The following VCL variants were observed in gnomAD, a reference collection of about 807,000 sequenced individuals.
VCL encodes vinculin.
A neutral mutation model predicts 125.7 loss-of-function variants in VCL; 47 were observed. The observed-to-expected ratio is 0.37, with a 90% CI of 0.30 to 0.48. VCL has a LOEUF of 0.48. VCL is among the 20% of genes least tolerant of loss of function. The pLI is 0.99. For missense variants in VCL, 1,069 were observed against 1,455.5 expected, an observed-to-expected ratio of 0.73 and a Z score of 4.32; for synonymous variants, 458 against 514.6, an observed-to-expected ratio of 0.89 and a Z score of 1.49.
At chr10:74,041,660 G>A (rs796726324) in intron 1 of VCL, among the ~76,000 whole-genome samples, 15 of 151,966 alleles carry the variant, frequency 9.9e-5, no homozygotes, top group African/African-American at 3.6e-4. Flanking sequence ...TGGGAGGCAA[G>A]GTGGGTGGAT....
At chr10:74,029,298 A>T (rs1227288937) in intron 1 of VCL, among the ~76,000 whole-genome samples, 2 of 151,702 alleles carry the variant, frequency 1.3e-5, no homozygotes, top group Non-Finnish European at 2.9e-5. Flanking sequence ...TATTTTTAGT[A>T]GAGACGGGGT....
chr10:74,032,706 A>G (rs1840901711), intron 1 of VCL, among the ~76,000 whole-genome samples: 2 of 79,140 alleles, frequency 2.5e-5, no homozygotes. Context: ...TCTCAAAAAA[A>G]AAAATATATA....
At chr10:74,009,640 C>T (rs916363084) in intron 1 of VCL, among the ~76,000 whole-genome samples, 1 of 151,980 alleles carries the variant, frequency 6.6e-6, no homozygotes, top group Non-Finnish European at 1.5e-5. Flanking sequence ...TATTTTGAGA[C>T]AGAGTCTCAC....
At chr10:74,114,482 C>A in intron 20 of VCL, 95 bp downstream of exon 20, 1 of 1,454,570 alleles carries the variant, frequency 6.9e-7, no homozygotes, top group Non-Finnish European at 9.4e-7. Flanking sequence ...GGGAGAAAAG[C>A]AGGAGAGAAA....
intron 7 of VCL, among the ~76,000 whole-genome samples, chr10:74,082,800 G>A (rs1156943466): frequency 2.0e-5 from 3 of 152,112 alleles, no homozygotes; most frequent in Non-Finnish European, 4.4e-5. Flanking sequence ...AAAATTTTTG[G>A]TTCTCCCCTT....
At chr10:74,082,054 G>C (rs2136279946) in intron 6 of VCL, among the ~76,000 whole-genome samples, 1 of 152,298 alleles carries the variant, frequency 6.6e-6, no homozygotes, top group East Asian at 1.9e-4. Context: ...TACTAACGAG[G>C]CTTCCCTGAG....
At position 74,097,420 on chromosome 10, in the gene VCL, C is replaced by CCTG. The variant is rs1386647435; in HGVS notation, c.1872+88_1872+89insCTG. ...ATGTGATTACAGTGGACATCAGGAT[C>CCTG]AGTGGTTGGGAAACTGTAGATGAAG... On this transcript the variant is annotated intron_variant, in intron 13 of 21. Transcript: ENST00000211998. This position sits in a 1 kb window ranked among gnomAD's most constrained non-coding sequence, Gnocchi z 4.1. 4.4e-5 allele frequency: 69 copies of CCTG among 1,571,682 alleles called. No homozygotes were observed. The highest frequency in any genetic ancestry group is 5.7e-5 in the Non-Finnish European group (66 of 1,159,036).
At chr10:74,017,257 C>A (rs1017336328) in intron 1 of VCL, among the ~76,000 whole-genome samples, 1 of 151,358 alleles carries the variant, frequency 6.6e-6, no homozygotes, top group African/African-American at 2.4e-5. Context: ...CCGTTTTAGC[C>A]GGGATGGTCT....
chr10:74,117,621 C>T lies in VCL; in HGVS notation c.3259-402C>T, dbSNP rs541201350. 3.3e-5 allele frequency among the ~76,000 whole-genome samples: 5 copies of T among 152,272 alleles called. No homozygotes were observed. In the East Asian group the frequency reaches 7.7e-4, roughly 24 times the overall value. On this transcript the variant is annotated intron_variant, in intron 21 of 21. Transcript: ENST00000211998. Reference sequence around the variant, plus strand: ...TGGCCGAGATCACACCACTGCACTCCAGCCTGGATGAAAGAGAAAGACCCC... The same window carrying T: ...TGGCCGAGATCACACCACTGCACTCTAGCCTGGATGAAAGAGAAAGACCCC...
chr10:74,020,840 C>CAAAAAAAAAAAA (rs567412270), intron 1 of VCL, among the ~76,000 whole-genome samples: 8 of 66,738 alleles, frequency 1.2e-4, no homozygotes, highest in African/African-American at 4.1e-4. Flanking sequence ...GACCTTGTCT[C>CAAAAAAAAAAAA]AAAAAAAAAA....
At chr10:74,008,149 T>G (rs981958768) in intron 1 of VCL, among the ~76,000 whole-genome samples, 1 of 152,176 alleles carries the variant, frequency 6.6e-6, no homozygotes, top group African/African-American at 2.4e-5. Context: ...TTATTTTTAT[T>G]TATAACATAT....
At chr10:74,018,177 G>GATATAT (rs72407698) in intron 1 of VCL, among the ~76,000 whole-genome samples, 1,121 of 81,836 alleles carry the variant, frequency 0.014, 33 homozygotes, top group Middle Eastern at 0.034. Context: ...ATATATATAG[G>GATATAT]ATATATATAT....
chr10:74,003,207 G>A (rs930928320), intron 1 of VCL, among the ~76,000 whole-genome samples: 1 of 151,906 alleles, frequency 6.6e-6, no homozygotes, highest in Non-Finnish European at 1.5e-5. Flanking sequence ...CAGGTAGCAG[G>A]GATTACAGGC....
intron 2 of VCL, among the ~76,000 whole-genome samples, chr10:74,048,006 A>G (rs1841221582): frequency 6.6e-6 from 1 of 152,216 alleles, no homozygotes; most frequent in Non-Finnish European, 1.5e-5. Flanking sequence ...CTCACAATTT[A>G]CTAATTTTAC....
intron 2 of VCL, among the ~76,000 whole-genome samples, chr10:74,067,180 C>T (rs147987401): frequency 6.6e-6 from 1 of 152,048 alleles, no homozygotes; most frequent in Admixed American, 6.6e-5. Context: ...ACTAGCTTAT[C>T]TAAGAAACTC....
chr10:74,000,404 CTTTG>C (rs369969980), intron 1 of VCL, among the ~76,000 whole-genome samples: 38 of 151,436 alleles, frequency 2.5e-4, no homozygotes, highest in East Asian at 1.7e-3. Flanking sequence ...AGCTGAAGGC[CTTTG>C]TTTGTTTGTT....
chr10:74,085,840 A>T (rs545098752), intron 8 of VCL, among the ~76,000 whole-genome samples: 94 of 152,186 alleles, frequency 6.2e-4, no homozygotes, highest in African/African-American at 2.2e-3. Flanking sequence ...ATAAGAATGC[A>T]GATCTTATTT....
intron 13 of VCL, among the ~76,000 whole-genome samples, chr10:74,100,351 G>T (rs1840032773): frequency 6.6e-6 from 1 of 152,214 alleles, no homozygotes; most frequent in Non-Finnish European, 1.5e-5. Flanking sequence ...TTTTGCATTT[G>T]GGGTTAATAA....
At chr10:74,053,462 G>A (rs550765309) in intron 2 of VCL, among the ~76,000 whole-genome samples, 9 of 150,662 alleles carry the variant, frequency 6.0e-5, no homozygotes, top group South Asian at 2.1e-4. Flanking sequence ...TTTTCTTATC[G>A]CTCTTATTAG....
Sources: gnomAD v4.1 joint callset for allele counts (sites outside exome capture counted in the v4.1 genomes callset) on GRCh38, gnomAD v4.1.1 for gene constraint, Gnocchi (gnomAD v3.1) non-coding constraint, MANE v1.5 for transcripts, NCBI Gene and HGNC (gene_info 2026-07-23, HGNC 2026-07-21) for gene names.